The following KCNAB1 variants were observed in gnomAD, a reference collection of about 807,000 sequenced individuals.
KCNAB1 encodes the protein potassium voltage-gated channel subfamily A regulatory beta subunit 1, also known as voltage-gated potassium channel subunit beta-1.
In KCNAB1, 35 loss-of-function variants were observed where a neutral mutation model predicts 64.6. That is an observed-to-expected ratio of 0.54 (90% confidence interval 0.41 to 0.72). KCNAB1 has a LOEUF of 0.72. KCNAB1 is among the 30% of genes least tolerant of loss of function. KCNAB1 has a pLI of 0.00. For missense variants in KCNAB1, 401 were observed against 512.9 expected, an observed-to-expected ratio of 0.78 and a Z score of 2.11; for synonymous variants, 177 against 183.8, an observed-to-expected ratio of 0.96 and a Z score of 0.30.
chr3:156,176,101 A>G (rs1043192501), intron 1 of KCNAB1: 2 of 767,722 alleles, frequency 2.6e-6, no homozygotes, highest in Admixed American at 1.7e-5. Context: ...AACTATGTTT[A>G]CACACCTCTC....
At chr3:156,502,014 T>C (rs1716479841) in intron 8 of KCNAB1, among the ~76,000 whole-genome samples, 2 of 152,106 alleles carry the variant, frequency 1.3e-5, no homozygotes, top group Non-Finnish European at 2.9e-5. Flanking sequence ...CATGATTCAA[T>C]TACCTCCCTC....
intron 1 of KCNAB1, among the ~76,000 whole-genome samples, chr3:156,339,093 G>A (rs1413367442): frequency 4.6e-5 from 7 of 152,146 alleles, no homozygotes; most frequent in Non-Finnish European, 1.0e-4. Flanking sequence ...CTTGGCCTGC[G>A]CTCAGGGGTC....
intron 1 of KCNAB1, among the ~76,000 whole-genome samples, chr3:156,356,761 T>C (rs1425529999): frequency 1.3e-5 from 2 of 152,202 alleles, no homozygotes; most frequent in Non-Finnish European, 2.9e-5. Context: ...GCTGCACAAG[T>C]TTCTGCAGAA....
intron 1 of KCNAB1, among the ~76,000 whole-genome samples, chr3:156,179,075 C>G (rs1712603677): frequency 6.6e-6 from 1 of 151,378 alleles, no homozygotes; most frequent in Non-Finnish European, 1.5e-5. Context: ...TGCTTCTCCA[C>G]TCCAGTGATT....
chr3:156,475,078 T>C (rs901812459), intron 8 of KCNAB1, among the ~76,000 whole-genome samples: 12 of 152,216 alleles, frequency 7.9e-5, no homozygotes, highest in African/African-American at 2.9e-4. Flanking sequence ...CTTTTCCAGG[T>C]TCATTTCACT....
intron 11 of KCNAB1, among the ~76,000 whole-genome samples, chr3:156,517,924 C>G (rs538695649): frequency 1.3e-5 from 2 of 152,314 alleles, no homozygotes; most frequent in African/African-American, 2.4e-5. Flanking sequence ...ACCCAGGTCT[C>G]CTGGCTCTCA....
At position 156,122,204 on chromosome 3, in the gene KCNAB1, A is replaced by C. The variant is rs1009618599; in HGVS notation, c.275+1318A>C. On this transcript the variant is annotated intron_variant, in intron 1 of 13. Coordinates refer to ENST00000490337, the MANE Select transcript of KCNAB1 (RefSeq NM_172160.3). ...AAGGAAAAGTAGTCTCGTTTAAAGA[A>C]AGTTTGAATGAGCTTGTTAGTGTTA... 2.0e-5 allele frequency among the ~76,000 whole-genome samples: 3 copies of C among 152,344 alleles called. No individual in the cohort carries two copies. In the East Asian group the frequency reaches 5.8e-4, roughly 29 times the overall value.
intron 1 of KCNAB1, among the ~76,000 whole-genome samples, chr3:156,336,054 T>A (rs1316858704): frequency 6.6e-6 from 1 of 152,072 alleles, no homozygotes; most frequent in Non-Finnish European, 1.5e-5. Context: ...ATTTTTGGAA[T>A]CTAGAACATA....
chr3:156,447,418 A>G (rs1456015191), intron 2 of KCNAB1, among the ~76,000 whole-genome samples: 2 of 152,314 alleles, frequency 1.3e-5, no homozygotes, highest in East Asian at 1.9e-4. Context: ...AACTAAGTAC[A>G]ACACCTGGCA....
intron 1 of KCNAB1, among the ~76,000 whole-genome samples, chr3:156,154,201 T>C (rs950690140): frequency 6.6e-6 from 1 of 152,118 alleles, no homozygotes; most frequent in African/African-American, 2.4e-5. Context: ...GATTACAGTC[T>C]GACTAAGGTC....
At chr3:156,405,682 T>G (rs905782618) in intron 1 of KCNAB1, among the ~76,000 whole-genome samples, 1 of 152,246 alleles carries the variant, frequency 6.6e-6, no homozygotes, top group African/African-American at 2.4e-5. Context: ...CAAATTTTTA[T>G]CTTGCTTTTT....
intron 2 of KCNAB1, among the ~76,000 whole-genome samples, chr3:156,437,363 C>A (rs16826146): frequency 0.035 from 5,399 of 152,214 alleles, 319 homozygotes; most frequent in African/African-American, 0.12. Flanking sequence ...ACAGGCATAA[C>A]ATGTCAGTGG....
At chr3:156,179,418 C>T (rs1712637565) in intron 1 of KCNAB1, among the ~76,000 whole-genome samples, 2 of 85,376 alleles carry the variant, frequency 2.3e-5, no homozygotes, top group African/African-American at 1.4e-4. Context: ...GGTTTGGAAC[C>T]CCCCCCCCCA....
At chr3:156,220,719 A>C (rs1485959282) in intron 1 of KCNAB1, among the ~76,000 whole-genome samples, 3 of 152,140 alleles carry the variant, frequency 2.0e-5, no homozygotes, top group African/African-American at 7.2e-5. Flanking sequence ...TCTTTAGTTT[A>C]ATTAGATCCC....
Position 156,464,328 on chromosome 3 carries a change from A to G in KCNAB1, c.527+582A>G, listed in dbSNP as rs1245091360. Among the ~76,000 whole-genome samples, 4 of 152,266 alleles carry G rather than the reference A, an allele frequency of 2.6e-5. No individual in the cohort carries two copies. In the East Asian group the frequency reaches 7.7e-4, roughly 29 times the overall value. ...ATTTCACAGGATGAATTGGCTTCTT[A>G]TGGGCCTGCTGGCATTTGAACTGGT... On this transcript the variant is annotated intron_variant, in intron 6 of 13. Coordinates refer to ENST00000490337, the MANE Select transcript of KCNAB1 (RefSeq NM_172160.3).
upstream of KCNAB1, among the ~76,000 whole-genome samples, chr3:156,119,018 C>G (rs1310110053): frequency 5.3e-5 from 8 of 152,226 alleles, no homozygotes; most frequent in Non-Finnish European, 1.5e-5. Context: ...TCCTTTGATA[C>G]ATGCTTCAGG....
At chr3:156,463,586 T>A in intron 5 of KCNAB1, 116 bp from the exon 6 acceptor site, 1 of 842,350 alleles carries the variant, frequency 1.2e-6, no homozygotes, top group Non-Finnish European at 1.9e-6. Flanking sequence ...CTTTACCAAT[T>A]TTTAAAATGT....
chr3:156,381,436 C>G (rs1203747892), intron 1 of KCNAB1, among the ~76,000 whole-genome samples: 1 of 152,148 alleles, frequency 6.6e-6, no homozygotes, highest in Non-Finnish European at 1.5e-5. Context: ...GGAAGTGAAG[C>G]CTCCAGTGTA....
At chr3:156,261,584 T>C (rs1718433009) in intron 1 of KCNAB1, among the ~76,000 whole-genome samples, 1 of 152,052 alleles carries the variant, frequency 6.6e-6, no homozygotes, top group Admixed American at 6.5e-5. Flanking sequence ...AAGTCTCAGT[T>C]CTCTCCTATT....
Sources: gnomAD v4.1 joint callset for allele counts (sites outside exome capture counted in the v4.1 genomes callset) on GRCh38, gnomAD v4.1.1 for gene constraint, MANE v1.5 for transcripts, NCBI Gene and HGNC (gene_info 2026-07-23, HGNC 2026-07-21) for gene names.